Variants in CHGA observed in about 807,000 individuals in gnomAD.
The protein encoded by CHGA is chromogranin-A.
A neutral mutation model predicts 54.4 loss-of-function variants in CHGA; 41 were observed. The ratio of observed to expected loss-of-function variants is 0.75; its 90% CI spans 0.59 to 0.98. CHGA has a LOEUF of 0.98. CHGA is among the 50% of genes least tolerant of loss of function. CHGA has a pLI of 0.00. For synonymous variants in CHGA, 249 were observed against 232.8 expected, an observed-to-expected ratio of 1.07 and a Z score of -0.63; for missense variants, 576 against 582.3, an observed-to-expected ratio of 0.99 and a Z score of 0.11.
In CHGA at chr14:92,932,909, G is replaced by A. The variant is rs556339836; in HGVS notation, c.1290+58G>A. ...GGCCACGGAGCAGCAGGGGGCAGCC[G>A]CACCCAGACACACTGCCCCTGCCCC... On this transcript the variant is annotated intron_variant, in intron 7 of 7. Coordinates refer to ENST00000216492, the MANE Select transcript of CHGA (RefSeq NM_001275.4). This position sits in a 1 kb window ranked among gnomAD's most constrained non-coding sequence, Gnocchi z 5.3. 4,175 of 1,448,592 alleles carry A rather than the reference G, an allele frequency of 2.9e-3. 157 individuals are homozygous for A. In the South Asian group the frequency reaches 0.058, roughly 20 times the overall value. 89.7% of individuals were successfully genotyped at this position (1,448,592 alleles called of 1,614,324 possible). A position where few individuals can be genotyped will look rare whatever the true frequency, so the allele number is the denominator to read the frequency against.
rs551752103 is a variant in CHGA at position 92,925,496 on chromosome 14, G to A, written c.94-1109G>A. On this transcript the variant is annotated intron_variant, in intron 2 of 7. Transcript: ENST00000216492. ...CCAGAGCAGCTGGCTAAGACCTGAA[G>A]ATTCTATACGAGGTTGTTGTGACTA... 3.8e-4 allele frequency among the ~76,000 whole-genome samples: 58 copies of A among 152,298 alleles called. 1 individual carries two copies. The highest frequency in any genetic ancestry group is 1.3e-3 in the African/African-American group (56 of 41,550).
Position 92,934,875 on chromosome 14 carries a change from G to C in CHGA, c.1365G>C (p.Arg455=). Residue 455 remains arginine (R), a synonymous_variant, in exon 8 of 8, where the codon CGG becomes CGC. Coordinates refer to ENST00000216492, the MANE Select transcript of CHGA (RefSeq NM_001275.4). ...TGGCCCACCAGCTGCAGGCACTACG[G>C]CGGGGCTGAGACACCGGCTGGCAGG... ...EKVAHQLQAL[R]RG is the part of the protein sequence containing the mutation. 6.4e-7 allele frequency: 1 copy of C among 1,568,016 alleles called. No homozygotes were observed. The highest frequency in any genetic ancestry group is 1.2e-5 in the South Asian group (1 of 84,138).
chr14:92,932,867 G>A lies in CHGA; in HGVS notation c.1290+16G>A. ...CAGACCAGAGGTTGGTATGGGGCGG[G>A]AGCCAGCTCTGTGCCAGGCCACGGA... On this transcript the variant is annotated intron_variant, in intron 7 of 7. Transcript: ENST00000216492. This position sits in a 1 kb window ranked among gnomAD's most constrained non-coding sequence, Gnocchi z 5.3. 6.8e-7 allele frequency: 1 copy of A among 1,465,672 alleles called. No homozygotes were observed. The highest frequency in any genetic ancestry group is 9.0e-7 in the Non-Finnish European group (1 of 1,106,046). 90.8% of individuals were successfully genotyped at this position (1,465,672 alleles called of 1,614,324 possible). A position where few individuals can be genotyped will look rare whatever the true frequency, so the allele number is the denominator to read the frequency against.
chr14:92,927,580 A>T lies in CHGA; in HGVS notation c.218A>T (p.Gln73Leu), dbSNP rs767402828. Residue 73 changes from glutamine to leucine, a missense_variant, in exon 4 of 8, where the codon CAG becomes CTG. Gln to Leu is a moderately radical substitution (Grantham distance 113). Transcript: ENST00000216492. Reference protein sequence around the residue: ...DERILSILRHQNLLKELQDLA... With the variant: ...DERILSILRHLNLLKELQDLA... The stretch of plus-strand genomic sequence containing the variant: ...CGGATCCTTTCCATTCTGAGACATC[A>T]GAATTTACTGAAGGAGCTCCAAGAC... 1 of 1,613,796 alleles carries T rather than the reference A, an allele frequency of 6.2e-7. No individual in the cohort carries two copies. Among genetic ancestry groups the T allele is most frequent in the Non-Finnish European group, 8.5e-7 (1 of 1,179,958 alleles).
At chr14:92,930,326 T>C (rs1886969624) in intron 5 of CHGA, among the ~76,000 whole-genome samples, 1 of 152,224 alleles carries the variant, frequency 6.6e-6, no homozygotes, top group Admixed American at 6.5e-5. Flanking sequence ...AGTGCGACAC[T>C]CTGAGCCATC....
At chr14:92,931,930 C>G (rs533088668) in intron 6 of CHGA, among the ~76,000 whole-genome samples, 3 of 152,204 alleles carry the variant, frequency 2.0e-5, no homozygotes, top group Non-Finnish European at 4.4e-5. Context: ...TTATCTGACT[C>G]CAAAACCATG....
intron 5 of CHGA, 117 bp from the exon 6 acceptor site, chr14:92,931,133 G>A (rs749053283): frequency 7.7e-6 from 8 of 1,036,632 alleles, no homozygotes; most frequent in Non-Finnish European, 1.1e-5. Context: ...TCGTTGTCCT[G>A]GGCTGGGCTC....
chr14:92,924,605 TG>T (rs1022513899), intron 2 of CHGA, among the ~76,000 whole-genome samples: 4 of 152,194 alleles, frequency 2.6e-5, no homozygotes, highest in Non-Finnish European at 5.9e-5. Flanking sequence ...CCTGTAAAAA[TG>T]GCCTTTGCCT....
In CHGA at chr14:92,931,240, G is replaced by T; in HGVS notation, c.356-10G>T. The T allele has an allele frequency of 8.7e-6, 14 of 1,602,076 alleles. No homozygotes were observed. The highest frequency in any genetic ancestry group is 1.1e-5 in the Non-Finnish European group (13 of 1,171,800). The stretch of plus-strand genomic sequence containing the variant: ...CCTCAGGGCCTGACTTGGCTGTGCT[G>T]TGTCTGCAGAGGCGGTGGAAGAGCC... On this transcript the variant is annotated splice_polypyrimidine_tract_variant and intron_variant, in intron 5 of 7. Coordinates refer to ENST00000216492, the MANE Select transcript of CHGA (RefSeq NM_001275.4).
chr14:92,928,453 T>C (rs1886930904), intron 4 of CHGA, among the ~76,000 whole-genome samples: 1 of 152,152 alleles, frequency 6.6e-6, no homozygotes, highest in Admixed American at 6.5e-5. Context: ...TGAGCCAGCC[T>C]GGGCAGCAAG....
At chr14:92,929,931 C>T in intron 5 of CHGA, 116 bp downstream of exon 5, 1 of 762,270 alleles carries the variant, frequency 1.3e-6, no homozygotes, top group East Asian at 2.7e-5. Context: ...TCCCTTATTT[C>T]CCTCTCTCTA....
rs752935002 is a variant in CHGA, at chr14:92,923,306, C to T, written c.-54C>T. 22 of 1,293,340 alleles carry T rather than the reference C, an allele frequency of 1.7e-5. No individual in the cohort carries two copies. The highest frequency in any genetic ancestry group is 2.4e-5 in the South Asian group (1 of 41,340). The allele number at this position is 1,293,340 out of a possible 1,614,324, so 80.1% of individuals were successfully genotyped here. A position where few individuals can be genotyped will look rare whatever the true frequency, so the allele number is the denominator to read the frequency against. On this transcript the variant is annotated 5_prime_UTR_variant, in exon 1 of 8. Coordinates refer to ENST00000216492, the MANE Select transcript of CHGA (RefSeq NM_001275.4). ...GCCGCCAGTCCAGCCGCCCCTCGCC[C>T]GGTGCCTAGGTGCCCGGCCCCACAC...
rs748523969 is a variant in CHGA, at chr14:92,932,373, G to A, written c.812G>A (p.Arg271Gln). 2.2e-5 allele frequency: 34 copies of A among 1,579,950 alleles called. No homozygotes were observed. The highest frequency in any genetic ancestry group is 1.9e-4 in the South Asian group (16 of 85,988). Residue 271 changes from arginine (R) to glutamine (Q), a missense_variant, in exon 7 of 8, where the codon CGG becomes CAG. Arg to Gln is a conservative substitution (Grantham distance 43, BLOSUM62 1). Transcript: ENST00000216492. This position sits in a 1 kb window ranked among gnomAD's most constrained non-coding sequence, Gnocchi z 5.3. Reference protein sequence around the residue: ...GYKEIRKGESRSEALAVDGAG... With the variant: ...GYKEIRKGESQSEALAVDGAG... ...TCTTGCCCACCACCTGCTCCAGGTCGGTCGGAGGCTCTGGCTGTGGATGGA... is the reference window on the plus strand; with the variant it reads ...TCTTGCCCACCACCTGCTCCAGGTCAGTCGGAGGCTCTGGCTGTGGATGGA...
chr14:92,932,114 T>TC lies in CHGA; in HGVS notation c.809-255dup. 2.1e-6 allele frequency: 1 copy of TC among 478,664 alleles called. No homozygotes were observed. Among genetic ancestry groups the TC allele is most frequent in the Non-Finnish European group, 3.7e-6 (1 of 270,336 alleles). The allele number at this position is 478,664 out of a possible 1,614,324, so 29.7% of individuals were successfully genotyped here. ...GGCCCTGGCTCCCGCTGCGGGCCTG[T>TC]CAGGGTCTTTCCTCACTCTCCAGCT... On this transcript the variant is annotated intron_variant, in intron 6 of 7. Transcript: ENST00000216492. This position sits in a 1 kb window ranked among gnomAD's most constrained non-coding sequence, Gnocchi z 5.3.
chr14:92,933,786 C>T (rs762205320), intron 7 of CHGA, among the ~76,000 whole-genome samples: 4 of 152,156 alleles, frequency 2.6e-5, no homozygotes, highest in African/African-American at 7.2e-5. Context: ...GAGCCCAGGG[C>T]GAGGGGCTGA....
Position 92,923,267 on chromosome 14 carries a change from G to A in CHGA, c.-93G>A. 3.4e-6 allele frequency: 4 copies of A among 1,172,244 alleles called. No homozygotes were observed. The highest frequency in any genetic ancestry group is 4.3e-6 in the Non-Finnish European group (4 of 935,926). 72.6% of individuals were successfully genotyped at this position (1,172,244 alleles called of 1,614,324 possible). A position where few individuals can be genotyped will look rare whatever the true frequency, so the allele number is the denominator to read the frequency against. On this transcript the variant is annotated 5_prime_UTR_variant, in exon 1 of 8. Transcript: ENST00000216492. The stretch of plus-strand genomic sequence containing the variant: ...CCCCCAGCCCCGCGCCGGTGCCACC[G>A]CAGCCCGACCCCGGCCGCCAGTCCA...
chr14:92,924,602 A>T (rs1184504632), intron 2 of CHGA, among the ~76,000 whole-genome samples: 1 of 152,160 alleles, frequency 6.6e-6, no homozygotes, highest in Non-Finnish European at 1.5e-5. Flanking sequence ...AGACCTGTAA[A>T]AATGGCCTTT....
At chr14:92,934,599 C>T (rs75909915) in intron 7 of CHGA, among the ~76,000 whole-genome samples, 1,871 of 152,274 alleles carry the variant, frequency 0.012, 39 homozygotes, top group African/African-American at 0.043. Flanking sequence ...ACAGGGCCCC[C>T]GGCATCAGCC....
intron 3 of CHGA, among the ~76,000 whole-genome samples, 163 bp from the exon 4 acceptor site, chr14:92,927,387 G>A (rs572203992): frequency 6.6e-6 from 1 of 152,314 alleles, no homozygotes; most frequent in East Asian, 1.9e-4. Context: ...ACCTTGGAAA[G>A]GAGGTAATTT....
Sources: gnomAD v4.1 joint callset for allele counts (sites outside exome capture counted in the v4.1 genomes callset) on GRCh38, gnomAD v4.1.1 for gene constraint, Gnocchi (gnomAD v3.1) non-coding constraint, MANE v1.5 for transcripts, NCBI Gene and HGNC (gene_info 2026-07-23, HGNC 2026-07-21) for gene names.